The following ADGRV1 variants were observed in gnomAD, a reference collection of about 807,000 sequenced individuals.
The protein encoded by ADGRV1 is adhesion G protein-coupled receptor V1.
In ADGRV1, 359 loss-of-function variants were observed where a neutral mutation model predicts 596.2. The ratio of observed to expected loss-of-function variants is 0.60; its 90% CI spans 0.55 to 0.66. The LOEUF is 0.66. Ranked by LOEUF, ADGRV1 falls within the 30% of genes least tolerant of loss-of-function variation. ADGRV1 has a pLI of 0.00. For missense variants in ADGRV1, 7,274 were observed against 7,575.6 expected (o/e 0.96, Z 1.48); for synonymous variants, 2,681 against 2,679.2 (o/e 1.00, Z -0.02).
At chr5:90,676,398 A>G (rs1219587908) in intron 25 of ADGRV1, among the ~76,000 whole-genome samples, 189 bp downstream of exon 25, 1 of 152,194 alleles carries the variant, frequency 6.6e-6, no homozygotes, top group Non-Finnish European at 1.5e-5. Flanking sequence ...ATACCATAAT[A>G]TATGTGGTAA....
chr5:90,787,716 G>T (rs543373088), intron 67 of ADGRV1, among the ~76,000 whole-genome samples: 1 of 150,080 alleles, frequency 6.7e-6, no homozygotes, highest in South Asian at 2.1e-4. Context: ...TTTCAGCTCC[G>T]AGTAGCTGGA....
At chr5:91,078,007 A>G (rs1422756322) in intron 86 of ADGRV1, among the ~76,000 whole-genome samples, 1 of 152,114 alleles carries the variant, frequency 6.6e-6, no homozygotes, top group East Asian at 1.9e-4. Flanking sequence ...AATCCCACAC[A>G]TAGGTTTCAA....
chr5:90,926,597 T>G (rs1561951318), intron 83 of ADGRV1, among the ~76,000 whole-genome samples: 1 of 151,960 alleles, frequency 6.6e-6, no homozygotes, highest in Non-Finnish European at 1.5e-5. Flanking sequence ...CCTGGATTCA[T>G]TAATTTTTTG....
intron 85 of ADGRV1, among the ~76,000 whole-genome samples, chr5:91,005,299 A>G (rs1255898884): frequency 3.9e-5 from 6 of 152,304 alleles, no homozygotes; most frequent in Middle Eastern, 6.8e-3. Context: ...GAATTTTAAA[A>G]TTATATCTTA....
intron 38 of ADGRV1, among the ~76,000 whole-genome samples, 160 bp downstream of exon 38, chr5:90,706,554 T>C (rs1748633346): frequency 6.6e-6 from 1 of 152,100 alleles, no homozygotes; most frequent in East Asian, 1.9e-4. Flanking sequence ...CGATAACTCA[T>C]ATATTTTTCC....
intron 75 of ADGRV1, 69 bp from the exon 76 acceptor site, chr5:90,823,356 G>T: frequency 6.8e-7 from 1 of 1,463,484 alleles, no homozygotes; most frequent in South Asian, 1.2e-5. Flanking sequence ...ACCATTATTT[G>T]ATAATAAACT....
chr5:91,005,461 C>T (rs1478773279), intron 85 of ADGRV1, among the ~76,000 whole-genome samples: 4 of 152,028 alleles, frequency 2.6e-5, no homozygotes, highest in Admixed American at 1.3e-4. Flanking sequence ...CTCTGCCTCC[C>T]GAGTAGCTGG....
At position 90,753,738 on chromosome 5, in the gene ADGRV1, G is replaced by A; in HGVS notation, c.11286G>A (p.Lys3762=). 2 of 1,613,528 alleles carry A rather than the reference G, an allele frequency of 1.2e-6. No homozygotes were observed. The highest frequency in any genetic ancestry group is 2.2e-5 in the East Asian group (1 of 44,856). The change falls in exon 54 of 90, where the codon AAG becomes AAA. Residue 3762 remains lysine (K), a synonymous_variant. Transcript: ENST00000405460. ...CTACTATTGATCAGGACAGAAGCAAGTCTGTTATAACAACTTTGCCCAATG... is the reference window on the plus strand; with the variant it reads ...CTACTATTGATCAGGACAGAAGCAAATCTGTTATAACAACTTTGCCCAATG... ...KGATIDQDRS[K]SVITTLPNDS...
At position 90,652,485 on chromosome 5, in the gene ADGRV1, C is replaced by A; in HGVS notation, c.3556C>A (p.Pro1186Thr). 1 of 1,613,388 alleles carries A rather than the reference C, an allele frequency of 6.2e-7. No individual in the cohort carries two copies. The highest frequency in any genetic ancestry group is 8.5e-7 in the Non-Finnish European group (1 of 1,179,508). The change falls in exon 19 of 90, where the codon CCA (proline) becomes ACA (threonine). Residue 1186 changes from proline to threonine, a missense_variant. Pro to Thr is a conservative substitution (Grantham distance 38). Transcript: ENST00000405460. Reference sequence around the variant, plus strand: ...CTTCATGGATGGAGAAGAAGCAAAACCAATCATTCTCCATGCTTTTCCAGA... The same window carrying A: ...CTTCATGGATGGAGAAGAAGCAAAAACAATCATTCTCCATGCTTTTCCAGA... ...VNFMDGEEAK[P>T]IILHAFPDKI...
chr5:90,823,324 G>A (rs1763767602), intron 75 of ADGRV1, 101 bp from the exon 76 acceptor site: 1 of 1,186,684 alleles, frequency 8.4e-7, no homozygotes, highest in African/African-American at 1.5e-5. Flanking sequence ...GGTACCATTT[G>A]GTATACTTTG....
At chr5:90,652,833 A>C (rs768378418) in intron 19 of ADGRV1, among the ~76,000 whole-genome samples, 3 of 152,196 alleles carry the variant, frequency 2.0e-5, no homozygotes, top group Non-Finnish European at 4.4e-5. Flanking sequence ...CACACCAACT[A>C]TAGTGTCTCC....
At chr5:91,006,944 T>C (rs1377468684) in intron 85 of ADGRV1, among the ~76,000 whole-genome samples, 1 of 152,112 alleles carries the variant, frequency 6.6e-6, no homozygotes, top group African/African-American at 2.4e-5. Flanking sequence ...AATGACTTCA[T>C]GATAAGTGGA....
At chr5:91,039,113 A>C (rs915882177) in intron 85 of ADGRV1, among the ~76,000 whole-genome samples, 3 of 152,220 alleles carry the variant, frequency 2.0e-5, no homozygotes, top group African/African-American at 7.2e-5. Flanking sequence ...CCTTAGGATT[A>C]AGAAACTACT....
chr5:90,790,719 C>T (rs1007729778), intron 69 of ADGRV1, among the ~76,000 whole-genome samples, 154 bp from the exon 70 acceptor site: 6 of 152,016 alleles, frequency 3.9e-5, no homozygotes, highest in African/African-American at 1.5e-4. Context: ...ATATACCTTC[C>T]AAGCTAACAT....
intron 85 of ADGRV1, among the ~76,000 whole-genome samples, chr5:91,025,993 G>A (rs1227888881): frequency 1.3e-5 from 2 of 152,074 alleles, no homozygotes; most frequent in Non-Finnish European, 2.9e-5. Context: ...ATACTTAAGT[G>A]CTTACTACTC....
rs145428921 is a variant in ADGRV1, at chr5:90,785,005, C to T, written c.13653+948C>T. 2.2e-3 allele frequency among the ~76,000 whole-genome samples: 336 copies of T among 152,264 alleles called. 3 individuals are homozygous for T. In the East Asian group the frequency reaches 0.029, roughly 13 times the overall value. On this transcript the variant is annotated intron_variant, in intron 67 of 89. Transcript: ENST00000405460. ...TAACAAAGCTGGAGGCATCATGCTACCTGACTTCAAACTGTACTACAAGGC... is the reference window on the plus strand; with the variant it reads ...TAACAAAGCTGGAGGCATCATGCTATCTGACTTCAAACTGTACTACAAGGC...
At chr5:90,941,268 A>G (rs1364923538) in intron 83 of ADGRV1, among the ~76,000 whole-genome samples, 1 of 152,248 alleles carries the variant, frequency 6.6e-6, no homozygotes, top group African/African-American at 2.4e-5. Flanking sequence ...GAGACAGGAT[A>G]TCTTTTATAA....
intron 60 of ADGRV1, among the ~76,000 whole-genome samples, chr5:90,774,524 CTG>C (rs1279449065): frequency 1.3e-5 from 2 of 152,036 alleles, no homozygotes; most frequent in African/African-American, 4.8e-5. Flanking sequence ...TACAGCTTAG[CTG>C]TGTAATTTTT....
chr5:91,139,744 A>T (rs747689355), intron 87 of ADGRV1, among the ~76,000 whole-genome samples: 3 of 152,200 alleles, frequency 2.0e-5, no homozygotes, highest in African/African-American at 4.8e-5. Context: ...AGTACATGTT[A>T]CATAGTTCAG....
Sources: allele counts gnomAD v4.1 joint callset (sites outside exome capture counted in the v4.1 genomes callset), GRCh38; gene constraint gnomAD v4.1.1; transcripts MANE v1.5; gene names NCBI Gene and HGNC (gene_info 2026-07-23, HGNC 2026-07-21).